SLC44A5: variants seen among roughly 807,000 people sequenced by gnomAD.
The protein encoded by SLC44A5 is choline transporter-like protein 5.
SLC44A5 carries 57 observed loss-of-function variants against 101.8 expected under a neutral mutation model. That is an observed-to-expected ratio of 0.56 (90% CI 0.45 to 0.70). SLC44A5 has a LOEUF of 0.70. Ranked by LOEUF, SLC44A5 falls within the 30% of genes least tolerant of loss-of-function variation. The pLI is 0.00. For missense variants in SLC44A5, 737 were observed against 853.1 expected, an observed-to-expected ratio of 0.86 and a Z score of 1.70; for synonymous variants, 281 against 290.9, an observed-to-expected ratio of 0.97 and a Z score of 0.35.
At chr1:75,510,510 T>C (rs936007269) in intron 2 of SLC44A5, among the ~76,000 whole-genome samples, 3 of 152,164 alleles carry the variant, frequency 2.0e-5, no homozygotes, top group Non-Finnish European at 4.4e-5. Context: ...ATTCAGGTCA[T>C]GTACTATAGG....
chr1:75,631,773 G>A, the SLC44A5 span, among the ~76,000 whole-genome samples: 3 of 151,638 alleles, frequency 2.0e-5, no homozygotes, highest in African/African-American at 7.3e-5. Context: ...CTGACCTCAG[G>A]TGATCCACCT....
intron 2 of SLC44A5, among the ~76,000 whole-genome samples, chr1:75,534,882 C>G (rs1169802535): frequency 1.3e-5 from 2 of 152,130 alleles, no homozygotes; most frequent in Admixed American, 1.3e-4. Flanking sequence ...AATGACCATT[C>G]CCTTACTATG....
At chr1:75,573,699 C>G (rs1318643067) in intron 1 of SLC44A5, among the ~76,000 whole-genome samples, 1 of 151,788 alleles carries the variant, frequency 6.6e-6, no homozygotes, top group East Asian at 1.9e-4. Flanking sequence ...CAAACTATGC[C>G]GATTTATTGT....
intron 3 of SLC44A5, among the ~76,000 whole-genome samples, chr1:75,393,013 G>A (rs780347719): frequency 2.3e-4 from 35 of 152,110 alleles, no homozygotes; most frequent in Non-Finnish European, 4.9e-4. Flanking sequence ...TGGGAGTGAG[G>A]ATGGGGACAA....
intron 4 of SLC44A5, among the ~76,000 whole-genome samples, chr1:75,339,307 A>AT (rs547851418): frequency 1.3e-5 from 2 of 150,080 alleles, no homozygotes; most frequent in African/African-American, 2.5e-5. Flanking sequence ...CTCATAAAGC[A>AT]TTTTTTTTCA....
chr1:75,254,672 T>C (rs1252685129), intron 6 of SLC44A5, among the ~76,000 whole-genome samples: 1 of 152,086 alleles, frequency 6.6e-6, no homozygotes, highest in Non-Finnish European at 1.5e-5. Flanking sequence ...TATTGAAGTG[T>C]GCTGAACAAT....
At chr1:75,462,426 G>A (rs894870779) in intron 2 of SLC44A5, among the ~76,000 whole-genome samples, 2 of 152,094 alleles carry the variant, frequency 1.3e-5, no homozygotes, top group Non-Finnish European at 2.9e-5. Context: ...GTACAAGAAA[G>A]CCCACACTGA....
At chr1:75,565,126 T>C (rs914108347) in intron 1 of SLC44A5, among the ~76,000 whole-genome samples, 1 of 152,198 alleles carries the variant, frequency 6.6e-6, no homozygotes, top group Non-Finnish European at 1.5e-5. Context: ...TTCCCCAGGT[T>C]AAACATTAAT....
intron 1 of SLC44A5, among the ~76,000 whole-genome samples, chr1:75,576,608 C>T (rs574845015): frequency 3.5e-4 from 53 of 152,090 alleles, no homozygotes; most frequent in Non-Finnish European, 4.7e-4. Context: ...GTTGAGCCAC[C>T]GCACCTGGCC....
the SLC44A5 span, among the ~76,000 whole-genome samples, chr1:75,684,790 G>C: frequency 6.6e-6 from 1 of 152,146 alleles, no homozygotes; most frequent in Non-Finnish European, 1.5e-5. Flanking sequence ...CAGGTGCATG[G>C]TGCAAGCTGT....
rs559566583 is a variant in SLC44A5, at chr1:75,499,115, G to A, written c.13+42320C>T. Among the ~76,000 whole-genome samples the A allele has an allele frequency of 9.9e-5, 15 of 152,256 alleles. No homozygotes were observed. The South Asian group carries it at 2.9e-3, about 29-fold the overall frequency. ...TAGGAGCAATAAGCTATACCATATAGCTTAGGTGTGAAGTAGGTTATAACA... is the reference window on the plus strand; with the variant it reads ...TAGGAGCAATAAGCTATACCATATAACTTAGGTGTGAAGTAGGTTATAACA... On this transcript the variant is annotated intron_variant, in intron 2 of 23. Transcript: ENST00000370859.
chr1:75,644,989 G>A, the SLC44A5 span, among the ~76,000 whole-genome samples: 21 of 152,096 alleles, frequency 1.4e-4, no homozygotes, highest in Non-Finnish European at 2.4e-4. Flanking sequence ...GTATTCTATG[G>A]TGTATATATG....
At chr1:75,248,661 A>T (rs539908059) in intron 7 of SLC44A5, among the ~76,000 whole-genome samples, 1 of 152,256 alleles carries the variant, frequency 6.6e-6, no homozygotes, top group Admixed American at 6.5e-5. Context: ...AGTAGGCTAT[A>T]GAATGGACAA....
chr1:75,220,761 T>C (rs1164044270), intron 14 of SLC44A5, among the ~76,000 whole-genome samples: 7 of 152,178 alleles, frequency 4.6e-5, no homozygotes, highest in East Asian at 1.9e-4. Flanking sequence ...AGAAATAAGA[T>C]GAAAATCTTA....
chr1:75,688,203 C>T, the SLC44A5 span, among the ~76,000 whole-genome samples: 1 of 152,190 alleles, frequency 6.6e-6, no homozygotes, highest in Admixed American at 6.5e-5. Context: ...CTATGCAGTG[C>T]TTGGCTAGCC....
chr1:75,399,641 A>G (rs1662349178), intron 2 of SLC44A5, among the ~76,000 whole-genome samples: 1 of 152,210 alleles, frequency 6.6e-6, no homozygotes, highest in South Asian at 2.1e-4. Flanking sequence ...TAATGGAAAG[A>G]TGGAAAATCT....
At chr1:75,696,154 A>AT in the SLC44A5 span, among the ~76,000 whole-genome samples, 1 of 152,146 alleles carries the variant, frequency 6.6e-6, no homozygotes, top group East Asian at 1.9e-4. Context: ...TGATTTACAT[A>AT]TTCTCACTCC....
At chr1:75,644,622 A>G in the SLC44A5 span, among the ~76,000 whole-genome samples, 2 of 143,672 alleles carry the variant, frequency 1.4e-5, no homozygotes, top group African/African-American at 2.5e-5. Flanking sequence ...TTTATTCAAT[A>G]TAAGTCTTTA....
At chr1:75,661,023 T>G in the SLC44A5 span, among the ~76,000 whole-genome samples, 1 of 152,038 alleles carries the variant, frequency 6.6e-6, no homozygotes, top group Non-Finnish European at 1.5e-5. Flanking sequence ...AGATCCTGAA[T>G]AGCCAAAGCA....
Sources: allele counts gnomAD v4.1 joint callset (sites outside exome capture counted in the v4.1 genomes callset), GRCh38; gene constraint gnomAD v4.1.1; transcripts MANE v1.5; gene names NCBI Gene and HGNC (gene_info 2026-07-23, HGNC 2026-07-21).